The following KIAA1755 variants were observed in gnomAD, a reference collection of about 807,000 sequenced individuals.
KIAA1755 encodes the protein KIAA1755, also known as uncharacterized protein KIAA1755.
Under a neutral mutation model 91.7 loss-of-function variants are expected in KIAA1755, and 68 were observed. The ratio of observed to expected loss-of-function variants is 0.74; its 90% confidence interval spans 0.61 to 0.91. The LOEUF is 0.91. Ranked by LOEUF, KIAA1755 falls within the 40% of genes least tolerant of loss-of-function variation. The pLI is 0.00. For synonymous variants in KIAA1755, 610 were observed against 604.6 expected, an observed-to-expected ratio of 1.01 and a Z score of -0.13; for missense variants, 1,535 against 1,494.4, an observed-to-expected ratio of 1.03 and a Z score of -0.45.
intron 4 of KIAA1755, among the ~76,000 whole-genome samples, chr20:38,232,087 A>T (rs1045621786): frequency 2.0e-5 from 3 of 152,020 alleles, no homozygotes; most frequent in African/African-American, 7.2e-5. Context: ...GGGCCTTGGG[A>T]AACCACACCT....
chr20:38,228,347 G>A, intron 5 of KIAA1755, 107 bp from the exon 6 acceptor site: 1 of 788,598 alleles, frequency 1.3e-6, no homozygotes, highest in Non-Finnish European at 1.9e-6. Flanking sequence ...TGATTTACTG[G>A]TGAACTCTTC....
Position 38,241,216 on chromosome 20 carries a change from T to C in KIAA1755, c.915A>G (p.Leu305=). Residue 305 remains leucine, a synonymous_variant, in exon 3 of 14, where the codon CTA becomes CTG. Coordinates refer to ENST00000279024, the MANE Select transcript of KIAA1755 (RefSeq NM_001029864.2). ...GTSSGCTSGA[L]EEIAGTKETP... is the part of the protein sequence containing the mutation. ...TTTCCTTAGTTCCAGCTATCTCCTC[T>C]AGTGCCCCAGAAGTACACCCACTGG... 2 of 1,614,142 alleles carry C rather than the reference T, an allele frequency of 1.2e-6. No individual in the cohort carries two copies. Among genetic ancestry groups the C allele is most frequent in the Non-Finnish European group, 1.7e-6 (2 of 1,180,016 alleles).
chr20:38,217,987 C>A, intron 12 of KIAA1755: 1 of 536,910 alleles, frequency 1.9e-6, no homozygotes, highest in Non-Finnish European at 3.3e-6. Context: ...GTTATTAGGT[C>A]TAGGATGGGG....
rs574397328 is a variant in KIAA1755 at position 38,222,305 on chromosome 20, C to A, written c.2417+144G>T. 51 of 842,154 alleles carry A rather than the reference C, an allele frequency of 6.1e-5. No homozygotes were observed. The South Asian group carries it at 8.1e-4, about 13-fold the overall frequency. The allele number at this position is 842,154 out of a possible 1,614,324, so 52.2% of individuals were successfully genotyped here. A position where few individuals can be genotyped will look rare whatever the true frequency, so the allele number is the denominator to read the frequency against. ...GCAGGTTTCTGTGACCAGGCGTCAGCCTGGGATACAGGCCCTGCAACTACT... is the reference window on the plus strand; with the variant it reads ...GCAGGTTTCTGTGACCAGGCGTCAGACTGGGATACAGGCCCTGCAACTACT... On this transcript the variant is annotated intron_variant, in intron 10 of 13. Transcript: ENST00000279024.
In KIAA1755 at chr20:38,222,646, G is replaced by A. The variant is rs1446668095; in HGVS notation, c.2269-49C>T. ...GAGGCCCCATCCCCACTCTCCCTCT[G>A]CAACCTTCCAAGGCTCCCCACACCC... On this transcript the variant is annotated intron_variant, in intron 9 of 13. Transcript: ENST00000279024. 8 of 1,592,226 alleles carry A rather than the reference G, an allele frequency of 5.0e-6. No individual in the cohort carries two copies. The South Asian group carries it at 8.9e-5, about 18-fold the overall frequency.
At chr20:38,214,757 C>T (rs1029021581) in intron 13 of KIAA1755, among the ~76,000 whole-genome samples, 3 of 152,248 alleles carry the variant, frequency 2.0e-5, no homozygotes, top group Non-Finnish European at 4.4e-5. Flanking sequence ...TCTGTCCCCG[C>T]TTCCCCCACA....
At chr20:38,225,247 C>A (rs1371621893) in intron 8 of KIAA1755, among the ~76,000 whole-genome samples, 2 of 152,168 alleles carry the variant, frequency 1.3e-5, no homozygotes, top group South Asian at 4.1e-4. Context: ...TGTGATCCAC[C>A]CATCTCGGCC....
rs546539396 is a variant in KIAA1755 at position 38,255,342 on chromosome 20, A to G, written c.3+5156T>C. Among the ~76,000 whole-genome samples, 10 of 152,224 alleles carry G rather than the reference A, an allele frequency of 6.6e-5. No individual in the cohort carries two copies. In the South Asian group the frequency reaches 2.1e-3, roughly 32 times the overall value. ...AAGCACTCACTTCCACCCTTTGGAG[A>G]TAGTCAGCCTCAGCACCAGGGAAGC... On this transcript the variant is annotated intron_variant, in intron 1 of 13. Transcript: ENST00000279024.
intron 8 of KIAA1755, among the ~76,000 whole-genome samples, chr20:38,224,818 T>C (rs1043963640): frequency 1.6e-4 from 25 of 151,990 alleles, no homozygotes; most frequent in African/African-American, 6.0e-4. Context: ...GTGTACTAAA[T>C]TGGGTATGAA....
Position 38,213,603 on chromosome 20 carries a change from G to T in KIAA1755, c.3042C>A (p.Leu1014=). The part of the protein sequence containing the change: ...RLASEFPAEK[L]AAVGLQVASL... ...AGGCCACCTGCAGCCCCACGGCTGCGAGCTTCTCAGCAGGGAACTCAGATG... is the reference window on the plus strand; with the variant it reads ...AGGCCACCTGCAGCCCCACGGCTGCTAGCTTCTCAGCAGGGAACTCAGATG... The change falls in exon 14 of 14, where the codon CTC becomes CTA. Residue 1014 remains leucine, a synonymous_variant. Coordinates refer to ENST00000279024, the MANE Select transcript of KIAA1755 (RefSeq NM_001029864.2). 1 of 1,610,154 alleles carries T rather than the reference G, an allele frequency of 6.2e-7. No individual in the cohort carries two copies.
chr20:38,244,793 C>G (rs2076125784), intron 2 of KIAA1755, among the ~76,000 whole-genome samples: 1 of 152,224 alleles, frequency 6.6e-6, no homozygotes, highest in African/African-American at 2.4e-5. Flanking sequence ...ACTGCAACCT[C>G]TGCCTCCTGG....
chr20:38,236,025 G>T (rs2123195571), intron 4 of KIAA1755, among the ~76,000 whole-genome samples: 1 of 152,340 alleles, frequency 6.6e-6, no homozygotes, highest in South Asian at 2.1e-4. Flanking sequence ...CACCAGCGAG[G>T]AGACCACTGC....
chr20:38,218,056 G>A, intron 12 of KIAA1755, 188 bp downstream of exon 12: 4 of 689,576 alleles, frequency 5.8e-6, no homozygotes, highest in East Asian at 2.7e-5. Context: ...TTTGGGCTTG[G>A]CCATCTGGTA....
Position 38,222,591 on chromosome 20 carries a change from T to C in KIAA1755, c.2275A>G (p.Thr759Ala), listed in dbSNP as rs1319299727. Reference sequence around the variant, plus strand: ...TCCTTGGACTTGCTCAGGCACCTGGTAGCCTCCTGCCAGCGTAGGGAGGTG... The same window carrying C: ...TCCTTGGACTTGCTCAGGCACCTGGCAGCCTCCTGCCAGCGTAGGGAGGTG... ...ADPPGGMQEA[T>A]RCLSKSKELM... Residue 759 changes from threonine to alanine, a missense_variant, in exon 10 of 14, where the codon ACC (threonine) becomes GCC (alanine). Coordinates refer to ENST00000279024, the MANE Select transcript of KIAA1755 (RefSeq NM_001029864.2). The C allele has an allele frequency of 1.9e-6, 3 of 1,612,244 alleles. No individual in the cohort carries two copies. Among genetic ancestry groups the C allele is most frequent in the Non-Finnish European group, 2.5e-6 (3 of 1,179,970 alleles).
At chr20:38,252,845 G>T (rs879200405) in intron 1 of KIAA1755, among the ~76,000 whole-genome samples, 31 of 152,148 alleles carry the variant, frequency 2.0e-4, no homozygotes, top group African/African-American at 7.5e-4. Context: ...CTGAACCCCA[G>T]GGGCTCATAA....
chr20:38,253,652 C>T (rs935633575), intron 1 of KIAA1755, among the ~76,000 whole-genome samples: 4 of 152,230 alleles, frequency 2.6e-5, no homozygotes, highest in Non-Finnish European at 4.4e-5. Context: ...AAAGTGTTAA[C>T]TGCAGTTACC....
chr20:38,215,850 A>T (rs1042507367), intron 13 of KIAA1755, among the ~76,000 whole-genome samples: 1 of 152,146 alleles, frequency 6.6e-6, no homozygotes, highest in Non-Finnish European at 1.5e-5. Context: ...GTTAATAACA[A>T]TTCTGAATTT....
chr20:38,254,518 T>C (rs1042196031), intron 1 of KIAA1755, among the ~76,000 whole-genome samples: 1 of 152,164 alleles, frequency 6.6e-6, no homozygotes, highest in African/African-American at 2.4e-5. Flanking sequence ...CCGGGTGCAG[T>C]GGCTCATGCC....
intron 4 of KIAA1755, among the ~76,000 whole-genome samples, chr20:38,238,336 C>T (rs1484335522): frequency 1.3e-5 from 2 of 152,182 alleles, no homozygotes; most frequent in Non-Finnish European, 2.9e-5. Context: ...GGGCAGTGCT[C>T]AAGGTCCTGA....
Sources: gnomAD v4.1 joint callset for allele counts (sites outside exome capture counted in the v4.1 genomes callset) on GRCh38, gnomAD v4.1.1 for gene constraint, MANE v1.5 for transcripts, NCBI Gene and HGNC (gene_info 2026-07-23, HGNC 2026-07-21) for gene names.